Variants in SPIDR observed in about 807,000 individuals in gnomAD.
The protein encoded by SPIDR is scaffold protein involved in DNA repair.
In SPIDR, 93 loss-of-function variants were observed where a neutral mutation model predicts 104.6. The observed-to-expected ratio is 0.89, with a 90% CI of 0.75 to 1.06. The LOEUF (loss-of-function observed/expected upper bound fraction) is 1.06, where lower values mean the gene tolerates loss of function less well. Among genes scored for constraint, SPIDR ranks in the 50% least tolerant of loss-of-function variants. The probability of loss-of-function intolerance (pLI) is 0.00; values close to 1 mark genes in which losing one functional copy is unlikely to be tolerated. For synonymous variants in SPIDR, 431 were observed against 416.9 expected (o/e 1.03, Z -0.41); for missense variants, 1,154 against 1,111.2 (o/e 1.04, Z -0.55).
At chr8:47,417,936 A>G (rs1554676603) in intron 7 of SPIDR, among the ~76,000 whole-genome samples, 1 of 152,108 alleles carries the variant, frequency 6.6e-6, no homozygotes, top group Non-Finnish European at 1.5e-5. Flanking sequence ...ATAGTTGTAG[A>G]TATGTGGCAT....
intron 8 of SPIDR, among the ~76,000 whole-genome samples, chr8:47,589,074 T>C (rs1299449226): frequency 7.2e-6 from 1 of 138,804 alleles, no homozygotes. Flanking sequence ...ATCAGAGTAA[T>C]ACTTGCTTTA....
chr8:47,663,692 C>G (rs2074457196), intron 10 of SPIDR, among the ~76,000 whole-genome samples: 1 of 152,232 alleles, frequency 6.6e-6, no homozygotes, highest in Non-Finnish European at 1.5e-5. Context: ...ACAGCTCACA[C>G]TTGTGTACAA....
intron 14 of SPIDR, 79 bp from the exon 15 acceptor site, chr8:47,712,577 AGTATAT>A (rs2154488425): frequency 2.3e-6 from 3 of 1,319,376 alleles, no homozygotes; most frequent in South Asian, 2.8e-5. Context: ...TTAAATTGTT[AGTATAT>A]GTATAACTTC....
chr8:47,330,385 T>A (rs1011654527), intron 5 of SPIDR, among the ~76,000 whole-genome samples: 2 of 152,166 alleles, frequency 1.3e-5, no homozygotes, highest in Non-Finnish European at 2.9e-5. Flanking sequence ...AGTCACTAGT[T>A]TCTATCAGGG....
At position 47,735,870 on chromosome 8, in the gene SPIDR, A is replaced by G. The variant is rs139558595; in HGVS notation, c.*420A>G. 624 of 309,192 alleles carry G rather than the reference A, an allele frequency of 2.0e-3. 11 individuals are homozygous for G. The highest frequency in any genetic ancestry group is 0.013 in the African/African-American group (576 of 45,612). The allele number at this position is 309,192 out of a possible 1,614,324, so 19.2% of individuals were successfully genotyped here. A position where few individuals can be genotyped will look rare whatever the true frequency, so the allele number is the denominator to read the frequency against. ...CCTGCAAAGTGTAAACCTTTGTCCC[A>G]TACTGTGATATTACTGTTCTGCTAC... On this transcript the variant is annotated 3_prime_UTR_variant, in exon 20 of 20. Transcript: ENST00000297423.
chr8:47,358,411 GAAAT>G (rs1316184237), intron 5 of SPIDR, among the ~76,000 whole-genome samples: 1 of 152,028 alleles, frequency 6.6e-6, no homozygotes, highest in African/African-American at 2.4e-5. Context: ...AATTTTTAAA[GAAAT>G]AAATATTGAG....
At chr8:47,654,124 G>A in intron 10 of SPIDR, 1 of 1,289,780 alleles carries the variant, frequency 7.8e-7, no homozygotes, top group Non-Finnish European at 1.0e-6. Context: ...GGAGCCATTG[G>A]GATACTCCCA....
chr8:47,607,092 ACTTT>A (rs1481252810), intron 10 of SPIDR, among the ~76,000 whole-genome samples: 3 of 152,310 alleles, frequency 2.0e-5, no homozygotes, highest in Non-Finnish European at 2.9e-5. Context: ...TGTCACTCAT[ACTTT>A]CTTTATTTCT....
chr8:47,488,278 T>TA (rs1345862865), intron 8 of SPIDR, among the ~76,000 whole-genome samples: 1 of 152,176 alleles, frequency 6.6e-6, no homozygotes, highest in Non-Finnish European at 1.5e-5. Context: ...CCTGGACACA[T>TA]ACACCCTTCC....
At chr8:47,529,242 C>A (rs1298567999) in intron 8 of SPIDR, among the ~76,000 whole-genome samples, 1 of 151,836 alleles carries the variant, frequency 6.6e-6, no homozygotes, top group African/African-American at 2.4e-5. Flanking sequence ...GATGGTGATA[C>A]CCCATCTCTA....
chr8:47,627,940 GGTCTCT>G (rs1323054983), intron 10 of SPIDR, among the ~76,000 whole-genome samples: 13 of 152,158 alleles, frequency 8.5e-5, no homozygotes, highest in Non-Finnish European at 1.5e-5. Flanking sequence ...GTAGTGCACA[GGTCTCT>G]TACGCAGGAT....
At chr8:47,477,226 G>T (rs1293400565) in intron 8 of SPIDR, among the ~76,000 whole-genome samples, 1 of 151,734 alleles carries the variant, frequency 6.6e-6, no homozygotes, top group African/African-American at 2.4e-5. Context: ...TTGAGACAGA[G>T]TCTCGCTCTG....
chr8:47,449,084 C>G (rs2071222132), intron 8 of SPIDR, among the ~76,000 whole-genome samples: 3 of 151,660 alleles, frequency 2.0e-5, no homozygotes, highest in African/African-American at 7.3e-5. Flanking sequence ...GGGAGTAGCT[C>G]AAGTGTGGAA....
chr8:47,260,976 C>T lies in SPIDR; in HGVS notation c.18C>T (p.Arg6=), dbSNP rs1323727737. The T allele has an allele frequency of 8.9e-6, 11 of 1,230,326 alleles. No homozygotes were observed. Among genetic ancestry groups the T allele is most frequent in the Admixed American group, 8.5e-5 (2 of 23,466 alleles). 76.2% of individuals were successfully genotyped at this position (1,230,326 alleles called of 1,614,324 possible). MPRGS[R]ARGSKRKRSW... is the part of the protein sequence containing the mutation. ...TCCCGGAGATGCCCCGCGGCAGCCGCGCTCGGGGCTCTAAGGTAGGCTCTG... is the reference window on the plus strand; with the variant it reads ...TCCCGGAGATGCCCCGCGGCAGCCGTGCTCGGGGCTCTAAGGTAGGCTCTG... The change falls in exon 1 of 20, where the codon CGC becomes CGT. Residue 6 remains arginine, a synonymous_variant. Coordinates refer to ENST00000297423, the MANE Select transcript of SPIDR (RefSeq NM_001080394.4).
At chr8:47,319,941 C>G (rs2046210349) in intron 5 of SPIDR, among the ~76,000 whole-genome samples, 1 of 151,706 alleles carries the variant, frequency 6.6e-6, no homozygotes, top group African/African-American at 2.4e-5. Flanking sequence ...GGGACACATT[C>G]AAAGCAGTGT....
At chr8:47,331,442 A>G (rs1200309399) in intron 5 of SPIDR, among the ~76,000 whole-genome samples, 5 of 152,300 alleles carry the variant, frequency 3.3e-5, no homozygotes, top group African/African-American at 1.2e-4. Context: ...TGGATACTGT[A>G]GACAATTGGA....
At chr8:47,336,590 G>T (rs1554609487) in intron 5 of SPIDR, among the ~76,000 whole-genome samples, 1 of 152,174 alleles carries the variant, frequency 6.6e-6, no homozygotes, top group Non-Finnish European at 1.5e-5. Flanking sequence ...TGGTGATCTG[G>T]TGAATTTCAG....
intron 5 of SPIDR, among the ~76,000 whole-genome samples, chr8:47,317,178 G>C (rs2045538136): frequency 6.6e-6 from 1 of 152,166 alleles, no homozygotes; most frequent in South Asian, 2.1e-4. Flanking sequence ...GGAAGCGCAA[G>C]GGGTCAGGGA....
chr8:47,504,031 T>A (rs1465510113), intron 8 of SPIDR, among the ~76,000 whole-genome samples: 2 of 152,336 alleles, frequency 1.3e-5, no homozygotes, highest in Non-Finnish European at 2.9e-5. Context: ...CTTCCCTTTG[T>A]GGGTAACCTC....
Sources: gnomAD v4.1 joint callset for allele counts (sites outside exome capture counted in the v4.1 genomes callset) on GRCh38, gnomAD v4.1.1 for gene constraint, MANE v1.5 for transcripts, NCBI Gene and HGNC (gene_info 2026-07-23, HGNC 2026-07-21) for gene names.